Variants in PKN3 observed in about 807,000 individuals in gnomAD.
The protein encoded by PKN3 is serine/threonine-protein kinase N3.
Under a neutral mutation model 113.1 loss-of-function variants are expected in PKN3, and 91 were observed. That is an observed-to-expected ratio of 0.80 (90% CI 0.68 to 0.96). PKN3 has a LOEUF of 0.96. Ranked by LOEUF, PKN3 falls within the 40% of genes least tolerant of loss-of-function variation. PKN3 has a pLI of 0.00. For synonymous variants in PKN3, 467 were observed against 499.0 expected (o/e 0.94, Z 0.85); for missense variants, 1,052 against 1,202.2 (o/e 0.88, Z 1.85).
At position 128,713,411 on chromosome 9, in the gene PKN3, AG is replaced by A. The variant is rs57500466; in HGVS notation, c.1092+28del. 2.7e-3 allele frequency: 4,372 copies of A among 1,613,070 alleles called. 35 individuals carry two copies. Among genetic ancestry groups the A allele is most frequent in the African/African-American group, 0.023 (1,706 of 75,036 alleles). On this transcript the variant is annotated intron_variant, in intron 8 of 21. Transcript: ENST00000291906. ...GAGTAAGGCTGGCCTTTGTGTGGTCAGGGGTGACCTTGGGCTGCGGGGTGGA... is the reference window on the plus strand; with the variant it reads ...GAGTAAGGCTGGCCTTTGTGTGGTCAGGGTGACCTTGGGCTGCGGGGTGGA...
chr9:128,706,229 C>A (rs1862011451), intron 3 of PKN3, among the ~76,000 whole-genome samples: 2 of 152,168 alleles, frequency 1.3e-5, no homozygotes, highest in Admixed American at 6.5e-5. Context: ...CTTAGCTTAG[C>A]CCCTGCCCTG....
intron 15 of PKN3, 21 bp from the exon 16 acceptor site, chr9:128,716,726 T>C (rs1862349122): frequency 6.2e-7 from 1 of 1,609,020 alleles, no homozygotes; most frequent in Non-Finnish European, 8.5e-7. Context: ...TTCCCTCTAA[T>C]ACTCTTGCTC....
chr9:128,711,606 G>T (rs558031778), intron 6 of PKN3, among the ~76,000 whole-genome samples: 6 of 126,840 alleles, frequency 4.7e-5, no homozygotes, highest in Admixed American at 2.4e-4. Flanking sequence ...CCTTTTTTTT[G>T]GGGGGGGTGG....
chr9:128,705,480 C>G lies in PKN3; in HGVS notation c.202C>G (p.His68Asp). 6.4e-7 allele frequency: 1 copy of G among 1,565,404 alleles called. No individual in the cohort carries two copies. Among genetic ancestry groups the G allele is most frequent in the South Asian group, 1.2e-5 (1 of 85,354 alleles). The change falls in exon 2 of 22, where the codon CAT (histidine) becomes GAT (aspartate). Residue 68 changes from histidine to aspartate, a missense_variant. Coordinates refer to ENST00000291906, the MANE Select transcript of PKN3 (RefSeq NM_013355.5). Reference protein sequence around the residue: ...RSSNRRLEQLHGELRELHARI... With the variant: ...RSSNRRLEQLDGELRELHARI... ...CTCCAACCGCCGCCTGGAGCAGCTG[C>G]ATGGCGAGCTGCGGGAGCTGCACGC...
rs570131761 is a variant in PKN3, at chr9:128,714,977, C to T, written c.1652+112C>T. 130 of 1,156,128 alleles carry T rather than the reference C, an allele frequency of 1.1e-4. 3 individuals are homozygous for T. The highest frequency in any genetic ancestry group is 7.5e-4 in the South Asian group (60 of 80,028). 71.6% of individuals were successfully genotyped at this position (1,156,128 alleles called of 1,614,324 possible). ...TCCCTGGCGGGTGCGCTGACTGGCT[C>T]TCGGGGTCTGATTTACTAAACCCAC... On this transcript the variant is annotated intron_variant, in intron 13 of 21. Coordinates refer to ENST00000291906, the MANE Select transcript of PKN3 (RefSeq NM_013355.5).
chr9:128,716,338 T>G (rs538047157), intron 15 of PKN3, among the ~76,000 whole-genome samples: 1 of 149,250 alleles, frequency 6.7e-6, no homozygotes, highest in East Asian at 2.0e-4. Context: ...TGGCTCACAC[T>G]TGTAATCCCA....
intron 6 of PKN3, 35 bp from the exon 7 acceptor site, chr9:128,713,017 C>A: frequency 6.4e-7 from 1 of 1,559,070 alleles, no homozygotes; most frequent in Non-Finnish European, 8.7e-7. Context: ...GGGAAGATGG[C>A]ATCTGACAAC....
In PKN3 at chr9:128,702,857, C is replaced by G; in HGVS notation, c.-59C>G. On this transcript the variant is annotated 5_prime_UTR_variant, in exon 1 of 22. Coordinates refer to ENST00000291906, the MANE Select transcript of PKN3 (RefSeq NM_013355.5). ...AAGTTTGAAAGTCCTGGCGGAGGGT[C>G]TGCGGCTTCCGGGACCGGAGTGGCT... is the stretch of plus-strand genomic sequence containing the variant. 1 of 1,287,734 alleles carries G rather than the reference C, an allele frequency of 7.8e-7. No individual in the cohort carries two copies. Among genetic ancestry groups the G allele is most frequent in the Non-Finnish European group, 1.1e-6 (1 of 934,242 alleles). 79.8% of individuals were successfully genotyped at this position (1,287,734 alleles called of 1,614,324 possible).
In PKN3 at chr9:128,716,793, C is replaced by T. The variant is rs77779228; in HGVS notation, c.1855C>T (p.His619Tyr). 6.2e-7 allele frequency: 1 copy of T among 1,614,074 alleles called. No homozygotes were observed. The change falls in exon 16 of 22, where the codon CAC becomes TAC. Residue 619 changes from histidine (H) to tyrosine (Y), a missense_variant. By Grantham distance (83) the His-to-Tyr change is moderately conservative. Around this residue, in one of 2 missense-constraint regions of PKN3, gnomAD observed 333 missense variants for 442.8 expected, o/e 0.75. Coordinates refer to ENST00000291906, the MANE Select transcript of PKN3 (RefSeq NM_013355.5). ...CCTGGAGGCTGTGGGCTGCACAGGG[C>T]ACCCTTTCCTGCTCTCCCTCCTTGC... The part of the protein sequence containing the change: ...RILEAVGCTG[H>Y]PFLLSLLACF...
Position 128,720,640 on chromosome 9 carries a change from A to C in PKN3, c.*34A>C. The C allele has an allele frequency of 3.8e-6, 6 of 1,562,978 alleles. No homozygotes were observed. The highest frequency in any genetic ancestry group is 5.3e-6 in the Non-Finnish European group (6 of 1,139,628). On this transcript the variant is annotated 3_prime_UTR_variant, in exon 22 of 22. Transcript: ENST00000291906. The surrounding 1 kb of genome is among the most constrained non-coding windows in gnomAD (Gnocchi z 5.5). ...CCTGGCACCTCTGTCCCCTTCCCCC[A>C]CAGACTGTTAGAGCCTCTGCTCGTT...
Position 128,714,185 on chromosome 9 carries a change from C to G in PKN3, c.1313-12C>G, listed in dbSNP as rs570217254. 6.2e-6 allele frequency: 10 copies of G among 1,614,022 alleles called. No homozygotes were observed. In the East Asian group the frequency reaches 8.9e-5, roughly 14 times the overall value. On this transcript the variant is annotated splice_polypyrimidine_tract_variant and intron_variant, in intron 10 of 21. Transcript: ENST00000291906. ...CTGGGGTCCCGGGACTAAGCTCCCCCTTTTCTCCCAGGCCAGGACTTCCTG... is the reference window on the plus strand; with the variant it reads ...CTGGGGTCCCGGGACTAAGCTCCCCGTTTTCTCCCAGGCCAGGACTTCCTG...
At position 128,705,766 on chromosome 9, in the gene PKN3, G is replaced by T; in HGVS notation, c.298G>T (p.Glu100Ter). Reference sequence around the variant, plus strand: ...GGCCTCAGGACCCCGGCCGTGGGCAGAGCAGCTCAGGGCTCGGCACCTAGA... The same window carrying T: ...GGCCTCAGGACCCCGGCCGTGGGCATAGCAGCTCAGGGCTCGGCACCTAGA... ...PVASGPRPWA[E>*]QLRARHLEAL... Residue 100 changes from glutamate to a stop codon, truncating the protein, a stop_gained, in exon 3 of 22, where the codon GAG becomes TAG. Coordinates refer to ENST00000291906, the MANE Select transcript of PKN3 (RefSeq NM_013355.5). LOFTEE classifies it high-confidence loss of function. 1 of 1,608,348 alleles carries T rather than the reference G, an allele frequency of 6.2e-7. No homozygotes were observed. The highest frequency in any genetic ancestry group is 2.2e-5 in the East Asian group (1 of 44,700).
intron 8 of PKN3, 30 bp from the exon 9 acceptor site, chr9:128,713,469 C>T: frequency 1.2e-6 from 2 of 1,613,762 alleles, no homozygotes; most frequent in South Asian, 1.1e-5. Flanking sequence ...GTTCTGCACC[C>T]CACCCTTCAG....
Position 128,713,118 on chromosome 9 carries a change from C to A in PKN3, c.902C>A (p.Ala301Glu), listed in dbSNP as rs370572604. The A allele has an allele frequency of 2.5e-6, 4 of 1,611,900 alleles. No individual in the cohort carries two copies. The highest frequency in any genetic ancestry group is 2.5e-6 in the Non-Finnish European group (3 of 1,179,242). The change falls in exon 7 of 22, where the codon GCG (alanine) becomes GAG (glutamate). Residue 301 changes from alanine (A) to glutamate (E), a missense_variant. Physicochemically the swap from Ala to Glu is moderately radical, Grantham distance 107. Around this residue, in one of 2 missense-constraint regions of PKN3, gnomAD observed 719 missense variants for 759.4 expected, o/e 0.95. Coordinates refer to ENST00000291906, the MANE Select transcript of PKN3 (RefSeq NM_013355.5). ...ACAGCCGTGCCTGGGCGCTCCCCAG[C>A]GGCCGCACTGGCCAGCAGCCCCTCC... ...LLTAVPGRSP[A>E]AALASSPSEG...
chr9:128,715,183 G>A lies in PKN3; in HGVS notation c.1664G>A (p.Arg555Gln), dbSNP rs369261081. 2.2e-5 allele frequency: 36 copies of A among 1,613,906 alleles called. No homozygotes were observed. The highest frequency in any genetic ancestry group is 2.0e-4 in the East Asian group (9 of 44,880). The change falls in exon 14 of 22, where the codon CGG (arginine) becomes CAG (glutamine). Residue 555 changes from arginine to glutamine, a missense_variant. Coordinates refer to ENST00000291906, the MANE Select transcript of PKN3 (RefSeq NM_013355.5). This position sits in a 1 kb window ranked among gnomAD's most constrained non-coding sequence, Gnocchi z 4.1. ...CTCTTCCTTTGCAGGAAACCCCCTC[G>A]GCTTCAGGACTTCCGCTGCTTAGCT... Reference protein sequence around the residue: ...PPASPTRKPPRLQDFRCLAVL... With the variant: ...PPASPTRKPPQLQDFRCLAVL...
Position 128,719,770 on chromosome 9 carries a change from C to T in PKN3, c.2210C>T (p.Thr737Ile). The T allele has an allele frequency of 6.2e-7, 1 of 1,607,218 alleles. No individual in the cohort carries two copies. The highest frequency in any genetic ancestry group is 1.3e-5 in the African/African-American group (1 of 74,894). ...APEVLTQEAY[T>I]RAVDWWGLGV... The stretch of plus-strand genomic sequence containing the variant: ...GAGGTGCTGACCCAGGAGGCATACA[C>T]ACGGGCTGTGGACTGGTGGGGGCTG... The change falls in exon 19 of 22, where the codon ACA becomes ATA. Residue 737 changes from threonine to isoleucine, a missense_variant. Physicochemically the swap from Thr to Ile is moderately conservative, Grantham distance 89. Coordinates refer to ENST00000291906, the MANE Select transcript of PKN3 (RefSeq NM_013355.5).
chr9:128,703,920 G>T, intron 1 of PKN3: 5 of 985,496 alleles, frequency 5.1e-6, no homozygotes, highest in Non-Finnish European at 6.0e-6. Context: ...GGACCCCGGT[G>T]GCCGGGCCCC....
chr9:128,713,095 AGCC>A lies in PKN3; in HGVS notation c.881_883del (p.Ala294del), dbSNP rs1407288345. 2 of 1,611,988 alleles carry A rather than the reference AGCC, an allele frequency of 1.2e-6. No homozygotes were observed. Among genetic ancestry groups the A allele is most frequent in the Non-Finnish European group, 1.7e-6 (2 of 1,179,276 alleles). On this transcript the variant is annotated inframe_deletion, in exon 7 of 22. Coordinates refer to ENST00000291906, the MANE Select transcript of PKN3 (RefSeq NM_013355.5). ...TCCTGGGCTGTGAACAGTTGCTGACAGCCGTGCCTGGGCGCTCCCCAGCGGCCG... is the reference window on the plus strand; with the variant it reads ...TCCTGGGCTGTGAACAGTTGCTGACAGTGCCTGGGCGCTCCCCAGCGGCCG...
chr9:128,714,366 G>T lies in PKN3; in HGVS notation c.1481+1G>T. Reference sequence around the variant, plus strand: ...AGGCCTCTGACCCTGCCACTCCCAGGTGAGGAGCTCCCTTGCCCTAGACTG... The same window carrying T: ...AGGCCTCTGACCCTGCCACTCCCAGTTGAGGAGCTCCCTTGCCCTAGACTG... On this transcript the variant is annotated splice_donor_variant, in intron 11 of 21. Transcript: ENST00000291906. LOFTEE classifies it high-confidence loss of function. 1.9e-6 allele frequency: 3 copies of T among 1,598,318 alleles called. No individual in the cohort carries two copies. Among genetic ancestry groups the T allele is most frequent in the Non-Finnish European group, 2.6e-6 (3 of 1,171,110 alleles).
Sources: gnomAD v4.1 joint callset for allele counts (sites outside exome capture counted in the v4.1 genomes callset) on GRCh38, gnomAD v4.1.1 for gene constraint, gnomAD v4.1.1 regional missense constraint, Gnocchi (gnomAD v3.1) non-coding constraint, MANE v1.5 for transcripts, NCBI Gene and HGNC (gene_info 2026-07-23, HGNC 2026-07-21) for gene names.